Variants in RIMS2 observed in about 807,000 individuals in gnomAD.
RIMS2 encodes the protein regulating synaptic membrane exocytosis 2, also known as regulating synaptic membrane exocytosis protein 2.
Under a neutral mutation model 174.4 loss-of-function variants are expected in RIMS2, and 59 were observed. The observed-to-expected ratio is 0.34, with a 90% confidence interval of 0.27 to 0.42. The LOEUF is 0.42. RIMS2 is among the 10% of genes least tolerant of loss of function. RIMS2 has a pLI of 1.00. For missense variants in RIMS2, 1,620 were observed against 1,666.3 expected (o/e 0.97, Z 0.48); for synonymous variants, 606 against 572.5 (o/e 1.06, Z -0.84).
intron 1 of RIMS2, among the ~76,000 whole-genome samples, chr8:103,612,773 T>C (rs7003753): frequency 0.17 from 25,931 of 152,132 alleles, 2,345 homozygotes; most frequent in African/African-American, 0.22. Context: ...GGTTTCACAA[T>C]GTTGGCCAGG....
At chr8:103,616,967 G>A (rs1239859023) in intron 1 of RIMS2, among the ~76,000 whole-genome samples, 1 of 152,030 alleles carries the variant, frequency 6.6e-6, no homozygotes, top group African/African-American at 2.4e-5. Context: ...TTATTAATTT[G>A]GTGCTATTCT....
intron 19 of RIMS2, among the ~76,000 whole-genome samples, chr8:104,144,140 G>A (rs1388122766): frequency 6.6e-6 from 1 of 151,968 alleles, no homozygotes; most frequent in Non-Finnish European, 1.5e-5. Flanking sequence ...GACAATACTA[G>A]ATTTGCCTTT....
At chr8:103,991,254 A>T (rs1366105512) in intron 17 of RIMS2, among the ~76,000 whole-genome samples, 1 of 151,716 alleles carries the variant, frequency 6.6e-6, no homozygotes, top group East Asian at 1.9e-4. Flanking sequence ...CTTTTAGAGC[A>T]CTGTCAATGC....
chr8:103,587,457 A>AAAG (rs1491541360), intron 1 of RIMS2, among the ~76,000 whole-genome samples: 1 of 114,306 alleles, frequency 8.7e-6, no homozygotes, highest in African/African-American at 3.6e-5. Context: ...AGAAAGAAAG[A>AAAG]AAGAAAGAAA....
chr8:104,045,384 T>C (rs1420976383), intron 19 of RIMS2, among the ~76,000 whole-genome samples: 2 of 151,942 alleles, frequency 1.3e-5, no homozygotes, highest in Non-Finnish European at 2.9e-5. Flanking sequence ...AGTAGCATGC[T>C]TTATTAGGGT....
chr8:103,754,890 G>A (rs1382374235), intron 2 of RIMS2, among the ~76,000 whole-genome samples: 1 of 152,108 alleles, frequency 6.6e-6, no homozygotes, highest in Non-Finnish European at 1.5e-5. Context: ...CAATTTGCCA[G>A]TCTGTGTCTT....
chr8:103,942,749 G>A (rs200678062), intron 13 of RIMS2, 24 bp from the exon 16 acceptor site: 115 of 1,566,468 alleles, frequency 7.3e-5, no homozygotes, highest in Admixed American at 1.3e-4. Flanking sequence ...TATTATAACC[G>A]TCCTTTGTCT....
intron 19 of RIMS2, among the ~76,000 whole-genome samples, chr8:104,239,850 G>C (rs1479980648): frequency 6.6e-6 from 1 of 152,138 alleles, no homozygotes; most frequent in African/African-American, 2.4e-5. Context: ...GCATCACATG[G>C]CTGAAATGAA....
chr8:103,967,920 G>A (rs1029973200), intron 15 of RIMS2, among the ~76,000 whole-genome samples: 3 of 148,962 alleles, frequency 2.0e-5, no homozygotes, highest in Non-Finnish European at 4.4e-5. Flanking sequence ...CAATGCAGTG[G>A]CACAATCTCA....
chr8:103,651,087 A>T (rs1468032350), intron 1 of RIMS2, among the ~76,000 whole-genome samples: 1 of 152,186 alleles, frequency 6.6e-6, no homozygotes, highest in African/African-American at 2.4e-5. Flanking sequence ...AGCTCAGTGT[A>T]TTGGACCCAG....
intron 14 of RIMS2, among the ~76,000 whole-genome samples, chr8:103,952,580 C>T (rs916458947): frequency 5.3e-5 from 8 of 152,094 alleles, no homozygotes; most frequent in Admixed American, 2.6e-4. Context: ...ACAAAAAGGA[C>T]GTCCACTCAG....
At chr8:103,986,133 TAA>T (rs1356716156) in intron 16 of RIMS2, among the ~76,000 whole-genome samples, 1 of 152,198 alleles carries the variant, frequency 6.6e-6, no homozygotes, top group Non-Finnish European at 1.5e-5. Context: ...GTACAAATGT[TAA>T]ATAGCTTGAT....
At chr8:104,169,926 A>G (rs986763717) in intron 19 of RIMS2, among the ~76,000 whole-genome samples, 9 of 152,142 alleles carry the variant, frequency 5.9e-5, no homozygotes, top group African/African-American at 2.2e-4. Flanking sequence ...TTAACCCAAA[A>G]ATGATTCAAG....
chr8:104,155,009 A>T (rs1444766901), intron 19 of RIMS2, among the ~76,000 whole-genome samples: 1 of 152,178 alleles, frequency 6.6e-6, no homozygotes, highest in Non-Finnish European at 1.5e-5. Context: ...AACTTTACAA[A>T]TATTTAATAT....
chr8:103,927,792 G>T, intron 10 of RIMS2: 2 of 1,283,192 alleles, frequency 1.6e-6, no homozygotes, highest in Non-Finnish European at 2.2e-6. Flanking sequence ...CCAGCGTGTT[G>T]TCCTTTTTGG....
intron 19 of RIMS2, among the ~76,000 whole-genome samples, chr8:104,176,368 T>A (rs1220423724): frequency 6.6e-6 from 1 of 152,136 alleles, no homozygotes; most frequent in African/African-American, 2.4e-5. Flanking sequence ...AGAAACCTTC[T>A]CTGACTGTAT....
intron 3 of RIMS2, among the ~76,000 whole-genome samples, chr8:103,839,679 A>T (rs2098928218): frequency 6.6e-6 from 1 of 152,190 alleles, no homozygotes; most frequent in Non-Finnish European, 1.5e-5. Context: ...CTGCATATGT[A>T]CTGCTTAGAG....
intron 4 of RIMS2, among the ~76,000 whole-genome samples, chr8:103,904,123 C>T (rs1026544539): frequency 1.3e-5 from 2 of 152,098 alleles, no homozygotes; most frequent in African/African-American, 4.8e-5. Context: ...TCCCTGATGT[C>T]TGCCAACCAC....
chr8:104,205,737 G>A (rs1285937996), intron 19 of RIMS2, among the ~76,000 whole-genome samples: 4 of 151,658 alleles, frequency 2.6e-5, no homozygotes, highest in Admixed American at 2.0e-4. Flanking sequence ...ACTCATCATC[G>A]AGAACTGCTT....
Sources: gnomAD v4.1 joint callset for allele counts (sites outside exome capture counted in the v4.1 genomes callset) on GRCh38, gnomAD v4.1.1 for gene constraint, MANE v1.5 for transcripts, NCBI Gene and HGNC (gene_info 2026-07-23, HGNC 2026-07-21) for gene names.